MAEA: variants seen among roughly 807,000 people sequenced by gnomAD.
MAEA encodes the protein macrophage erythroblast attacher, E3 ubiquitin ligase.
MAEA carries 22 observed loss-of-function variants against 46.2 expected under a neutral mutation model. That is an observed-to-expected ratio of 0.48 (90% CI 0.34 to 0.68). MAEA has a LOEUF of 0.68. MAEA is among the 30% of genes least tolerant of loss of function. The probability of loss-of-function intolerance (pLI) is 0.01; values close to 1 mark genes in which losing one functional copy is unlikely to be tolerated. For missense variants in MAEA, 393 were observed against 558.1 expected (o/e 0.70, Z 2.98); for synonymous variants, 246 against 222.6 (o/e 1.11, Z -0.94).
At chr4:1,312,316 C>A in intron 2 of MAEA, 155 bp downstream of exon 2, 1 of 777,926 alleles carries the variant, frequency 1.3e-6, no homozygotes, top group Admixed American at 2.4e-5. Context: ...GGGCCACTGT[C>A]GGCTGAGCAG....
rs764837001 is a variant in MAEA at position 1,332,853 on chromosome 4, C to A, written c.753C>A (p.Ile251=). The A allele has an allele frequency of 3.1e-6, 5 of 1,612,528 alleles. No individual in the cohort carries two copies. The highest frequency in any genetic ancestry group is 4.2e-6 in the Non-Finnish European group (5 of 1,179,420). ...GMLAFPPDTH[I]SPYKDLLDPA... ...TGGCCTTCCCGCCCGACACGCACAT[C>A]TCCCCGTACAAGGTAGGGCGTGCGT... Residue 251 remains isoleucine (I), a synonymous_variant, in exon 6 of 9, where the codon ATC becomes ATA. Transcript: ENST00000303400.
At chr4:1,337,239 G>A (rs1464349485) in intron 7 of MAEA, 5 of 539,348 alleles carry the variant, frequency 9.3e-6, no homozygotes, top group Admixed American at 3.6e-5. Context: ...CTCAGAGGCC[G>A]CCATGGGCAT....
chr4:1,313,274 CTCAGTTT>C (rs889428689), intron 2 of MAEA, among the ~76,000 whole-genome samples: 20 of 152,214 alleles, frequency 1.3e-4, no homozygotes, highest in African/African-American at 4.6e-4. Flanking sequence ...TTCTTAGATT[CTCAGTTT>C]TCAAGTACAA....
intron 1 of MAEA, among the ~76,000 whole-genome samples, chr4:1,292,366 C>A (rs1378467161): frequency 6.6e-6 from 1 of 152,152 alleles, no homozygotes; most frequent in Non-Finnish European, 1.5e-5. Context: ...AGCGTCAGGG[C>A]GGCTGGTGGG....
intron 6 of MAEA, chr4:1,334,737 G>C: frequency 8.2e-6 from 3 of 367,706 alleles, no homozygotes; most frequent in Non-Finnish European, 1.1e-5. Context: ...CCATGGGTCA[G>C]GCAAGAAACA....
chr4:1,327,412 GGGC>G (rs1295790506), intron 4 of MAEA, among the ~76,000 whole-genome samples: 2 of 152,228 alleles, frequency 1.3e-5, no homozygotes, highest in African/African-American at 4.8e-5. Flanking sequence ...CAGGAGCAGG[GGGC>G]GGGACTCACA....
Position 1,291,310 on chromosome 4 carries a change from G to C in MAEA, c.69+1328G>C, listed in dbSNP as rs138535452. Among the ~76,000 whole-genome samples, 37 of 152,284 alleles carry C rather than the reference G, an allele frequency of 2.4e-4. No homozygotes were observed. In the Middle Eastern group the frequency reaches 0.01, roughly 42 times the overall value. ...ACGCGCCCGCCACACTAATGGTTTC[G>C]CAGTGGGGTTTCATGGTGCTTGTGT... On this transcript the variant is annotated intron_variant, in intron 1 of 8. Coordinates refer to ENST00000303400, the MANE Select transcript of MAEA (RefSeq NM_001017405.3).
chr4:1,290,243 G>C (rs1339025368), intron 1 of MAEA, among the ~76,000 whole-genome samples: 4 of 152,112 alleles, frequency 2.6e-5, no homozygotes, highest in Non-Finnish European at 4.4e-5. Context: ...CGACGACTCT[G>C]GCAGCGCTAA....
chr4:1,317,592 G>A (rs925906885), intron 3 of MAEA, among the ~76,000 whole-genome samples: 11 of 152,156 alleles, frequency 7.2e-5, no homozygotes, highest in Non-Finnish European at 1.2e-4. Context: ...GGGGAGTGGC[G>A]AGCAGCTGCC....
Position 1,339,245 on chromosome 4 carries a change from G to C in MAEA, c.*76G>C. On this transcript the variant is annotated 3_prime_UTR_variant, in exon 9 of 9. Coordinates refer to ENST00000303400, the MANE Select transcript of MAEA (RefSeq NM_001017405.3). ...AGGCCACGCCTTCCTCCTGTCCCACGCTCCAGCCTGCCGCGGCGTTTCTGT... is the reference window on the plus strand; with the variant it reads ...AGGCCACGCCTTCCTCCTGTCCCACCCTCCAGCCTGCCGCGGCGTTTCTGT... The C allele has an allele frequency of 8.7e-6, 9 of 1,035,278 alleles. No individual in the cohort carries two copies. Among genetic ancestry groups the C allele is most frequent in the South Asian group, 7.7e-5 (6 of 77,886 alleles). 64.1% of individuals were successfully genotyped at this position (1,035,278 alleles called of 1,614,324 possible).
chr4:1,338,446 C>T lies in MAEA; in HGVS notation c.924C>T (p.Ser308=), dbSNP rs374429921. ...GACAGTGCTACAAGGAGGACGGCAG[C>T]TCCAAGAGCCCTGACTGCCCTGTGT... ...KTPQCYKEDG[S]SKSPDCPVCS... The change falls in exon 8 of 9, where the codon AGC becomes AGT. Residue 308 remains serine (S), a synonymous_variant. Transcript: ENST00000303400. The T allele has an allele frequency of 2.3e-4, 365 of 1,612,748 alleles. 1 individual carries two copies. The highest frequency in any genetic ancestry group is 2.8e-4 in the Non-Finnish European group (328 of 1,179,848).
At chr4:1,329,650 T>G (rs756836696) in intron 5 of MAEA, 142 of 985,358 alleles carry the variant, frequency 1.4e-4, no homozygotes, top group Non-Finnish European at 1.6e-4. Flanking sequence ...AAGTCCGGCC[T>G]CAGCTCAGCG....
At chr4:1,338,859 GC>G (rs1577252925) in intron 8 of MAEA, 1 of 645,992 alleles carries the variant, frequency 1.5e-6, no homozygotes, top group Non-Finnish European at 2.7e-6. Flanking sequence ...CTGTCCTCTC[GC>G]CCCACCCTGC....
chr4:1,305,608 G>C (rs1735750297), intron 1 of MAEA, among the ~76,000 whole-genome samples: 1 of 152,184 alleles, frequency 6.6e-6, no homozygotes, highest in Non-Finnish European at 1.5e-5. Context: ...CTGCCAGCAA[G>C]AGTCCAGGTA....
chr4:1,338,597 G>A lies in MAEA; in HGVS notation c.1075G>A (p.Gly359Ser), dbSNP rs1216792133. 5 of 1,611,402 alleles carry A rather than the reference G, an allele frequency of 3.1e-6. No individual in the cohort carries two copies. Among genetic ancestry groups the A allele is most frequent in the Admixed American group, 1.7e-5 (1 of 59,774 alleles). ...ENNPPMMLPN[G>S]YVYGYNSLLS... ...CAATCCGCCCATGATGCTGCCCAACGGCTACGTCTACGGCTACAATGTGAG... is the reference window on the plus strand; with the variant it reads ...CAATCCGCCCATGATGCTGCCCAACAGCTACGTCTACGGCTACAATGTGAG... The change falls in exon 8 of 9, where the codon GGC becomes AGC. Residue 359 changes from glycine (G) to serine (S), a missense_variant. Around this residue, in one of 2 missense-constraint regions of MAEA, gnomAD observed 358 missense variants for 537.9 expected, o/e 0.67. Coordinates refer to ENST00000303400, the MANE Select transcript of MAEA (RefSeq NM_001017405.3).
intron 1 of MAEA, among the ~76,000 whole-genome samples, chr4:1,305,522 A>G (rs1735742563): frequency 6.6e-6 from 1 of 152,200 alleles, no homozygotes; most frequent in Non-Finnish European, 1.5e-5. Flanking sequence ...TTGGGAGTGG[A>G]ATGGCTGAGT....
intron 5 of MAEA, chr4:1,329,999 G>A (rs1739333020): frequency 2.0e-6 from 2 of 985,454 alleles, no homozygotes; most frequent in African/African-American, 1.7e-5. Flanking sequence ...ACTGGGGCAG[G>A]CAAGGTGAGT....
intron 1 of MAEA, among the ~76,000 whole-genome samples, chr4:1,294,795 A>C (rs76002147): frequency 0.37 from 21,406 of 58,600 alleles, 3,256 homozygotes; most frequent in East Asian, 0.58. Context: ...GTGGCAGGGG[A>C]CGGGGGTGGG....
At chr4:1,315,817 TCCCCCCATGTGCATGTCCCCAC>T (rs1560354574) in intron 3 of MAEA, among the ~76,000 whole-genome samples, 1 of 6,470 alleles carries the variant, frequency 1.5e-4, no homozygotes, top group Non-Finnish European at 3.2e-4. Context: ...CGTGTCCCCC[TCCCCCCATGTGCATGTCCCCAC>T]CCCTGTGTGC....
Sources: gnomAD v4.1 joint callset for allele counts (sites outside exome capture counted in the v4.1 genomes callset) on GRCh38, gnomAD v4.1.1 for gene constraint, gnomAD v4.1.1 regional missense constraint, MANE v1.5 for transcripts, NCBI Gene and HGNC (gene_info 2026-07-23, HGNC 2026-07-21) for gene names.